Variants in NR1D2 observed in about 807,000 individuals in gnomAD.
NR1D2 encodes nuclear receptor subfamily 1 group D member 2, also known as V-erbA-related protein 1-related.
In NR1D2, 25 loss-of-function variants were observed where a neutral mutation model predicts 52.2. The observed-to-expected ratio is 0.48, with a 90% CI of 0.35 to 0.67. NR1D2 has a LOEUF of 0.67. Among genes scored for constraint, NR1D2 ranks in the 30% least tolerant of loss-of-function variants. The probability of loss-of-function intolerance (pLI) is 0.01; values close to 1 mark genes in which losing one functional copy is unlikely to be tolerated. For missense variants in NR1D2, 681 were observed against 707.2 expected, an observed-to-expected ratio of 0.96 and a Z score of 0.42; for synonymous variants, 259 against 230.1, an observed-to-expected ratio of 1.13 and a Z score of -1.14.
At chr3:23,975,262 C>T (rs1706692550) in intron 7 of NR1D2, among the ~76,000 whole-genome samples, 1 of 151,178 alleles carries the variant, frequency 6.6e-6, no homozygotes, top group Non-Finnish European at 1.5e-5. Context: ...GGACTACTGG[C>T]ATGTGTCACC....
intron 7 of NR1D2, among the ~76,000 whole-genome samples, chr3:23,974,714 A>G (rs1372893180): frequency 6.6e-6 from 1 of 152,164 alleles, no homozygotes; most frequent in African/African-American, 2.4e-5. Context: ...TTATGAAGAT[A>G]ATTTATGATT....
At chr3:23,971,303 A>ATT (rs11457044) in intron 7 of NR1D2, among the ~76,000 whole-genome samples, 2,746 of 123,024 alleles carry the variant, frequency 0.022, 259 homozygotes, top group African/African-American at 0.076. Context: ...CTCTATACCT[A>ATT]TTTTTTTTTT....
intron 2 of NR1D2, among the ~76,000 whole-genome samples, chr3:23,955,776 T>A (rs1300860930): frequency 6.6e-6 from 1 of 152,006 alleles, no homozygotes; most frequent in East Asian, 1.9e-4. Flanking sequence ...TGAGCTGAGA[T>A]CACGCCACTG....
chr3:23,947,622 A>T (rs1362523483), intron 1 of NR1D2, among the ~76,000 whole-genome samples: 1 of 152,230 alleles, frequency 6.6e-6, no homozygotes, highest in East Asian at 1.9e-4. Context: ...GCAGTCAACT[A>T]GGACCTTTCA....
intron 4 of NR1D2, among the ~76,000 whole-genome samples, chr3:23,960,135 A>G (rs1440340319): frequency 2.0e-5 from 3 of 152,052 alleles, no homozygotes; most frequent in Non-Finnish European, 4.4e-5. Flanking sequence ...ATGGCCGGGC[A>G]TGGTGGCTCA....
chr3:23,964,548 C>T (rs1242424209), intron 5 of NR1D2, among the ~76,000 whole-genome samples: 3 of 152,172 alleles, frequency 2.0e-5, no homozygotes, highest in African/African-American at 7.2e-5. Flanking sequence ...AATCACTAAA[C>T]CTCTCAGAGT....
chr3:23,963,324 C>G (rs1268212929), intron 5 of NR1D2: 1 of 1,343,512 alleles, frequency 7.4e-7, no homozygotes, highest in East Asian at 4.6e-5. Flanking sequence ...GTATTTTCTA[C>G]TGACAGGTAA....
intron 7 of NR1D2, among the ~76,000 whole-genome samples, chr3:23,973,535 C>T (rs542067397): frequency 6.6e-6 from 1 of 152,262 alleles, no homozygotes; most frequent in South Asian, 2.1e-4. Context: ...ATGCAGCTTA[C>T]AGGACTGGAA....
At chr3:23,950,910 T>TC (rs1705911781) in intron 1 of NR1D2, among the ~76,000 whole-genome samples, 2 of 147,436 alleles carry the variant, frequency 1.4e-5, no homozygotes, top group African/African-American at 5.0e-5. Flanking sequence ...TTCTTTTTTT[T>TC]TTTTTTTTTT....
intron 3 of NR1D2, 40 bp from the exon 4 acceptor site, chr3:23,959,631 G>T (rs374537473): frequency 1.9e-6 from 3 of 1,589,830 alleles, no homozygotes; most frequent in Non-Finnish European, 2.6e-6. Context: ...GTTCATTTGG[G>T]TGTTTTTAAA....
At position 23,954,801 on chromosome 3, in the gene NR1D2, CAAGT is replaced by C. The variant is rs1306844515; in HGVS notation, c.283+3_283+6del. ...ATGACAAAAAGTCATAGTGGTGTGA[CAAGT>C]AAGTTACTTTGGTTTTCTAAAGATT... On this transcript the variant is annotated splice_donor_variant and coding_sequence_variant, in exon 2 of 8. Coordinates refer to ENST00000312521, the MANE Select transcript of NR1D2 (RefSeq NM_005126.5). LOFTEE classifies it high-confidence loss of function. 9 of 1,610,614 alleles carry C rather than the reference CAAGT, an allele frequency of 5.6e-6. No individual in the cohort carries two copies. Among genetic ancestry groups the C allele is most frequent in the East Asian group, 2.2e-5 (1 of 44,816 alleles).
At position 23,979,275 on chromosome 3, in the gene NR1D2, A is replaced by T. The variant is rs530370703; in HGVS notation, c.*1856A>T. Reference sequence around the variant, plus strand: ...TTTACCTTAAGTAGGTATAACTCTTATGGGATATACAGTATAGTTTTTGTG... The same window carrying T: ...TTTACCTTAAGTAGGTATAACTCTTTTGGGATATACAGTATAGTTTTTGTG... On this transcript the variant is annotated 3_prime_UTR_variant, in exon 8 of 8. Coordinates refer to ENST00000312521, the MANE Select transcript of NR1D2 (RefSeq NM_005126.5). 6.6e-6 allele frequency: 1 copy of T among 152,258 alleles called. No individual in the cohort carries two copies. The highest frequency in any genetic ancestry group is 1.9e-4 in the East Asian group (1 of 5,194). 9.4% of individuals were successfully genotyped at this position (152,258 alleles called of 1,614,324 possible).
At chr3:23,948,672 T>C (rs1705844270) in intron 1 of NR1D2, among the ~76,000 whole-genome samples, 1 of 152,202 alleles carries the variant, frequency 6.6e-6, no homozygotes, top group African/African-American at 2.4e-5. Flanking sequence ...GTTGCCACCA[T>C]CTTAATGATG....
chr3:23,957,488 G>A (rs1237124533), intron 3 of NR1D2, among the ~76,000 whole-genome samples: 21 of 146,996 alleles, frequency 1.4e-4, no homozygotes, highest in African/African-American at 4.5e-4. Flanking sequence ...AGGCCGAGGC[G>A]GGCGGATCAC....
intron 1 of NR1D2, among the ~76,000 whole-genome samples, chr3:23,952,412 G>T (rs1705957434): frequency 6.6e-6 from 1 of 151,994 alleles, no homozygotes; most frequent in Admixed American, 6.6e-5. Context: ...ATTTATGTAT[G>T]TTAAATTTGT....
chr3:23,960,921 A>G (rs1001323855), intron 4 of NR1D2, among the ~76,000 whole-genome samples: 5 of 152,238 alleles, frequency 3.3e-5, no homozygotes, highest in Admixed American at 6.5e-5. Context: ...TGTAAATACT[A>G]GACTGTGAAA....
intron 4 of NR1D2, chr3:23,960,023 C>T: frequency 2.7e-6 from 1 of 369,284 alleles, no homozygotes; most frequent in Non-Finnish European, 4.7e-6. Context: ...GGCTAAACTT[C>T]TGTTGTTGTT....
At chr3:23,964,910 A>G in intron 5 of NR1D2, 67 bp from the exon 6 acceptor site, 1 of 1,064,094 alleles carries the variant, frequency 9.4e-7, no homozygotes, top group East Asian at 2.4e-5. Flanking sequence ...GATAATTGAG[A>G]TGCTGCTTTT....
At position 23,954,799 on chromosome 3, in the gene NR1D2, G is replaced by C; in HGVS notation, c.279G>C (p.Val93=). 1 of 1,611,202 alleles carries C rather than the reference G, an allele frequency of 6.2e-7. No homozygotes were observed. Among genetic ancestry groups the C allele is most frequent in the Non-Finnish European group, 8.5e-7 (1 of 1,177,526 alleles). ...APGMTKSHSG[V]TKFSGMVLLC... ...GGATGACAAAAAGTCATAGTGGTGT[G>C]ACAAGTAAGTTACTTTGGTTTTCTA... Residue 93 remains valine (V), a synonymous_variant, in exon 2 of 8, where the codon GTG becomes GTC. Coordinates refer to ENST00000312521, the MANE Select transcript of NR1D2 (RefSeq NM_005126.5).
Sources: gnomAD v4.1 joint callset for allele counts (sites outside exome capture counted in the v4.1 genomes callset) on GRCh38, gnomAD v4.1.1 for gene constraint, MANE v1.5 for transcripts, NCBI Gene and HGNC (gene_info 2026-07-23, HGNC 2026-07-21) for gene names.